The following ANO2 variants were observed in gnomAD, a reference collection of about 807,000 sequenced individuals.
ANO2 encodes anoctamin-2.
ANO2 carries 101 observed loss-of-function variants against 124.2 expected under a neutral mutation model. The observed-to-expected ratio is 0.81, with a 90% CI of 0.69 to 0.96. The LOEUF is 0.96. Ranked by LOEUF, ANO2 falls within the 40% of genes least tolerant of loss-of-function variation. The probability of loss-of-function intolerance (pLI) is 0.00; values close to 1 mark genes in which losing one functional copy is unlikely to be tolerated. For missense variants in ANO2, 1,293 were observed against 1,274.5 expected (o/e 1.01, Z -0.22); for synonymous variants, 486 against 482.5 (o/e 1.01, Z -0.09).
chr12:5,867,257 G>T (rs940951643), intron 3 of ANO2, among the ~76,000 whole-genome samples: 1 of 152,172 alleles, frequency 6.6e-6, no homozygotes, highest in South Asian at 2.1e-4. Flanking sequence ...ATTTCAAGGG[G>T]CTACCTGGTT....
chr12:5,618,072 C>A (rs553284919), intron 16 of ANO2, among the ~76,000 whole-genome samples: 1 of 152,302 alleles, frequency 6.6e-6, no homozygotes, highest in Non-Finnish European at 1.5e-5. Context: ...CAGGTTAATG[C>A]TGCATCAACT....
At chr12:5,713,909 G>A (rs1331770789) in intron 14 of ANO2, among the ~76,000 whole-genome samples, 1 of 152,144 alleles carries the variant, frequency 6.6e-6, no homozygotes, top group African/African-American at 2.4e-5. Context: ...TTTTTCTGGT[G>A]ATCCACCTCA....
At position 5,885,441 on chromosome 12, in the gene ANO2, A is replaced by G. The variant is rs1487259067; in HGVS notation, c.535-31300T>C. On this transcript the variant is annotated intron_variant, in intron 3 of 24. Coordinates refer to ENST00000682330, the MANE Select transcript of ANO2 (RefSeq NM_001364791.2). ...GCAAGAATAAAACCAGATGATAACA[A>G]TAATAACTCACTTTAAATGCGCAGA... 2.6e-5 allele frequency among the ~76,000 whole-genome samples: 4 copies of G among 152,268 alleles called. No individual in the cohort carries two copies. The East Asian group carries it at 5.8e-4, about 22-fold the overall frequency.
At chr12:5,731,333 C>G (rs1388109051) in intron 14 of ANO2, among the ~76,000 whole-genome samples, 1 of 151,598 alleles carries the variant, frequency 6.6e-6, no homozygotes, top group Non-Finnish European at 1.5e-5. Flanking sequence ...GAGGGCCACC[C>G]TCTCTGTTCT....
At chr12:5,678,949 G>A (rs764914082) in intron 14 of ANO2, among the ~76,000 whole-genome samples, 3 of 152,196 alleles carry the variant, frequency 2.0e-5, no homozygotes, top group South Asian at 2.1e-4. Flanking sequence ...AGAAAAGCAT[G>A]CGAGTGGGTA....
At chr12:5,611,784 G>A (rs890610473) in intron 19 of ANO2, among the ~76,000 whole-genome samples, 1 of 152,162 alleles carries the variant, frequency 6.6e-6, no homozygotes, top group Non-Finnish European at 1.5e-5. Flanking sequence ...AATCTTATGG[G>A]TCCTGTCTGA....
chr12:5,939,617 T>C lies in ANO2; in HGVS notation c.22+5579A>G, dbSNP rs546273060. ...TCAGTGGACTGGGTTAACGCTCTTA[T>C]AAGTAATTTATTATTATCCACACCG... On this transcript the variant is annotated intron_variant, in intron 1 of 24. Transcript: ENST00000682330. Among the ~76,000 whole-genome samples, 10 of 152,354 alleles carry C rather than the reference T, an allele frequency of 6.6e-5. No homozygotes were observed. In the South Asian group the frequency reaches 1.7e-3, roughly 25 times the overall value.
At chr12:5,898,850 G>A (rs1161556362) in intron 3 of ANO2, among the ~76,000 whole-genome samples, 2 of 152,154 alleles carry the variant, frequency 1.3e-5, no homozygotes, top group Non-Finnish European at 2.9e-5. Context: ...AATTCACCAA[G>A]TTGTACAATA....
intron 4 of ANO2, among the ~76,000 whole-genome samples, chr12:5,852,479 AT>A (rs1468120772): frequency 6.6e-6 from 1 of 152,096 alleles, no homozygotes; most frequent in Non-Finnish European, 1.5e-5. Context: ...CCGTGGAGTT[AT>A]TGTCCATTGT....
intron 4 of ANO2, among the ~76,000 whole-genome samples, chr12:5,844,885 T>G (rs1283679732): frequency 6.6e-6 from 1 of 151,764 alleles, no homozygotes; most frequent in Non-Finnish European, 1.5e-5. Context: ...ACTACAAGGC[T>G]TCTCAAAACT....
intron 3 of ANO2, among the ~76,000 whole-genome samples, chr12:5,884,692 G>A (rs11063907): frequency 0.026 from 3,935 of 152,308 alleles, 150 homozygotes; most frequent in African/African-American, 0.089. Context: ...CAACCATTGA[G>A]ATCCTTTTGT....
At chr12:5,721,009 G>A (rs1299043329) in intron 14 of ANO2, among the ~76,000 whole-genome samples, 1 of 152,196 alleles carries the variant, frequency 6.6e-6, no homozygotes, top group Non-Finnish European at 1.5e-5. Flanking sequence ...TCCGTGCAGG[G>A]AGATGTTTAT....
intron 20 of ANO2, among the ~76,000 whole-genome samples, chr12:5,598,872 G>A (rs1293376848): frequency 3.3e-5 from 5 of 152,146 alleles, no homozygotes; most frequent in Non-Finnish European, 7.3e-5. Flanking sequence ...CCATCAGCCT[G>A]TACTACATGT....
At chr12:5,709,304 C>T (rs1201663833) in intron 14 of ANO2, among the ~76,000 whole-genome samples, 1 of 152,220 alleles carries the variant, frequency 6.6e-6, no homozygotes, top group Non-Finnish European at 1.5e-5. Flanking sequence ...ACTATACTCT[C>T]CAGCCTTTCT....
At chr12:5,625,216 A>AAGTG (rs1945336983) in intron 16 of ANO2, among the ~76,000 whole-genome samples, 1 of 152,212 alleles carries the variant, frequency 6.6e-6, no homozygotes, top group African/African-American at 2.4e-5. Context: ...GCACAGAGAC[A>AAGTG]GAAGTGGAAG....
chr12:5,621,506 C>A (rs1945116502), intron 16 of ANO2, among the ~76,000 whole-genome samples: 1 of 152,068 alleles, frequency 6.6e-6, no homozygotes, highest in African/African-American at 2.4e-5. Context: ...GAGGCAGGAC[C>A]CGGAAGGGTG....
intron 10 of ANO2, among the ~76,000 whole-genome samples, chr12:5,789,891 G>A (rs1220127856): frequency 6.6e-6 from 1 of 152,180 alleles, no homozygotes; most frequent in East Asian, 1.9e-4. Flanking sequence ...GTTTATGTTG[G>A]TTACATAGCC....
intron 10 of ANO2, among the ~76,000 whole-genome samples, chr12:5,755,391 A>T (rs1427297098): frequency 7.7e-6 from 1 of 130,462 alleles, no homozygotes; most frequent in African/African-American, 3.1e-5. Flanking sequence ...TATTTATTTT[A>T]TTTATTTATT....
chr12:5,849,444 T>C (rs146348079), intron 4 of ANO2, among the ~76,000 whole-genome samples: 4 of 152,216 alleles, frequency 2.6e-5, no homozygotes, highest in Admixed American at 6.5e-5. Flanking sequence ...ATCTTGGTAA[T>C]GAGCAGACGT....
Sources: allele counts gnomAD v4.1 joint callset (sites outside exome capture counted in the v4.1 genomes callset), GRCh38; gene constraint gnomAD v4.1.1; transcripts MANE v1.5; gene names NCBI Gene and HGNC (gene_info 2026-07-23, HGNC 2026-07-21).